PLEC: variants seen among roughly 807,000 people sequenced by gnomAD.
The protein encoded by PLEC is hemidesmosomal protein 1.
In PLEC, 216 loss-of-function variants were observed where a neutral mutation model predicts 392.8. The ratio of observed to expected loss-of-function variants is 0.55; its 90% CI spans 0.49 to 0.62. The LOEUF (loss-of-function observed/expected upper bound fraction) is 0.62. Among genes scored for constraint, PLEC ranks in the 20% least tolerant of loss-of-function variants. The pLI, the probability that PLEC is intolerant of heterozygous loss-of-function variation, is 0.00. For synonymous variants in PLEC, 3,621 were observed against 2,980.6 expected, an observed-to-expected ratio of 1.21 and a Z score of -7.00; for missense variants, 6,863 against 6,563.4, an observed-to-expected ratio of 1.05 and a Z score of -1.58.
At chr8:143,933,475 T>C in intron 12 of PLEC, 124 bp from the exon 13 acceptor site, 3 of 1,136,894 alleles carry the variant, frequency 2.6e-6, no homozygotes, top group South Asian at 1.2e-5. Context: ...TCCATCCCTG[T>C]CCTTCCCCTT....
rs782597397 is a variant in PLEC at position 143,924,763 on chromosome 8, C to T, written c.5166G>A (p.Thr1722=). 36 of 1,535,274 alleles carry T rather than the reference C, an allele frequency of 2.3e-5. No homozygotes were observed. The East Asian group carries it at 3.7e-4, about 16-fold the overall frequency. The change falls in exon 31 of 32, where the codon ACG becomes ACA. Residue 1722 remains threonine (T), a synonymous_variant. Transcript: ENST00000345136. ...GCTGCCGCTGCTGCTCCCCCTGCTC[C>T]GTCTCGGCCCGCAGCCGGATCAACT... ...EQELIRLRAE[T]EQGEQQRQLL...
upstream of PLEC, among the ~76,000 whole-genome samples, chr8:143,943,497 C>A (rs1830881267): frequency 6.6e-6 from 1 of 152,238 alleles, no homozygotes; most frequent in African/African-American, 2.4e-5. Flanking sequence ...GCGGCTGCCA[C>A]AGGCCTCCCT....
Position 143,931,525 on chromosome 8 carries a change from C to CA in PLEC, c.2304+8_2304+9insT. 1.3e-6 allele frequency: 2 copies of CA among 1,582,864 alleles called. No individual in the cohort carries two copies. The highest frequency in any genetic ancestry group is 1.7e-4 in the Middle Eastern group (1 of 5,770). On this transcript the variant is annotated intron_variant, in intron 19 of 31. Transcript: ENST00000345136. ...CTCCTGACACGCCCCTGCACACCCC[C>CA]TCCCTCACCTGGGCATCCTGCAGCA...
At position 143,918,400 on chromosome 8, in the gene PLEC, G is replaced by A. The variant is rs782144786; in HGVS notation, c.11421C>T (p.Gly3807=). The change falls in exon 32 of 32, where the codon GGC becomes GGT. Residue 3807 remains glycine (G), a synonymous_variant. Transcript: ENST00000345136. Reference sequence around the variant, plus strand: ...AGCCCAGGCGGGGGTCCACGATGCCGCCGGTGGCCAGCTGGGCATCCAGCA... The same window carrying A: ...AGCCCAGGCGGGGGTCCACGATGCCACCGGTGGCCAGCTGGGCATCCAGCA... ...LRLLDAQLAT[G]GIVDPRLGFH... The A allele has an allele frequency of 4.5e-5, 71 of 1,567,116 alleles. No homozygotes were observed. The highest frequency in any genetic ancestry group is 5.6e-5 in the Admixed American group (3 of 53,950).
intron 1 of PLEC, among the ~76,000 whole-genome samples, chr8:143,967,555 G>T (rs776741004): frequency 6.6e-6 from 1 of 152,024 alleles, no homozygotes; most frequent in Non-Finnish European, 1.5e-5. Flanking sequence ...AGTGTCCCTC[G>T]GTATCAGCGG....
At chr8:143,926,155 G>A (rs1449103037) in intron 30 of PLEC, among the ~76,000 whole-genome samples, 2 of 152,224 alleles carry the variant, frequency 1.3e-5, no homozygotes, top group Non-Finnish European at 1.5e-5. Context: ...CAGACGGACG[G>A]GGAGAGAGAG....
In PLEC at chr8:143,925,103, T is replaced by C. The variant is rs782507332; in HGVS notation, c.4826A>G (p.Glu1609Gly). The C allele has an allele frequency of 6.4e-7, 1 of 1,552,542 alleles. No homozygotes were observed. Among genetic ancestry groups the C allele is most frequent in the South Asian group, 1.2e-5 (1 of 85,654 alleles). ...CTGCTGCTGTGCCCGCCGCTCAGCC[T>C]CCTCCCGCAGCTGTGCCACAGCCAC... Reference protein sequence around the residue: ...EHVAVAQLREEAERRAQQQAE... With the variant: ...EHVAVAQLREGAERRAQQQAE... Residue 1609 changes from glutamate (E) to glycine (G), a missense_variant, in exon 31 of 32, where the codon GAG (glutamate) becomes GGG (glycine). Glu to Gly is a moderately conservative substitution (Grantham distance 98). Coordinates refer to ENST00000345136, the MANE Select transcript of PLEC (RefSeq NM_201384.3).
At chr8:143,952,062 G>A (rs1554737009), upstream of PLEC, among the ~76,000 whole-genome samples, 1 of 152,208 alleles carries the variant, frequency 6.6e-6, no homozygotes, top group Non-Finnish European at 1.5e-5. Flanking sequence ...GGGGGGGAGT[G>A]GGAGAGAGGG....
rs1554687294 is a variant in PLEC, at chr8:143,921,826, A to G, written c.7995T>C (p.Ser2665=). Residue 2665 remains serine, a synonymous_variant, in exon 32 of 32, where the codon AGT becomes AGC. Transcript: ENST00000345136. ...AQRLQEAGIL[S]AEELQRLAQG... ...GCGCCAACCGCTGCAGCTCCTCCGC[A>G]CTCAGGATGCCGGCCTCCTGCAGCC... 1.2e-6 allele frequency: 2 copies of G among 1,607,198 alleles called. No individual in the cohort carries two copies. Among genetic ancestry groups the G allele is most frequent in the East Asian group, 2.2e-5 (1 of 44,872 alleles).
Position 143,924,813 on chromosome 8 carries a change from G to A in PLEC, c.5116C>T (p.Gln1706Ter). Residue 1706 changes from glutamine (Q) to a stop codon, truncating the protein, a stop_gained, in exon 31 of 32, where the codon CAG becomes TAG. Transcript: ENST00000345136. LOFTEE classifies it high-confidence loss of function. Reference sequence around the variant, plus strand: ...TCCTGCTCCGCGGCCAGGCGCTGCTGCGCGGTGCCTTCCGCCAGCTGCCGC... The same window carrying A: ...TCCTGCTCCGCGGCCAGGCGCTGCTACGCGGTGCCTTCCGCCAGCTGCCGC... ...KQRQLAEGTA[Q>*]QRLAAEQELI... 6.5e-7 allele frequency: 1 copy of A among 1,540,342 alleles called. No homozygotes were observed. The highest frequency in any genetic ancestry group is 8.7e-7 in the Non-Finnish European group (1 of 1,149,742).
In PLEC at chr8:143,973,274, C is replaced by T. The variant is rs1833524315; in HGVS notation, c.70+129G>A. 1.2e-5 allele frequency: 14 copies of T among 1,135,788 alleles called. No individual in the cohort carries two copies. Among genetic ancestry groups the T allele is most frequent in the African/African-American group, 1.7e-5 (1 of 60,110 alleles). The allele number at this position is 1,135,788 out of a possible 1,614,324, so 70.4% of individuals were successfully genotyped here. Reference sequence around the variant, plus strand: ...GGCACTGGCAGCCGTTGGGGGCGATCCAGGCGGACGAGGCCGGCGGAGTGG... The same window carrying T: ...GGCACTGGCAGCCGTTGGGGGCGATTCAGGCGGACGAGGCCGGCGGAGTGG... On this transcript the variant is annotated intron_variant, in intron 1 of 31. Transcript: ENST00000356346. The surrounding 1 kb of genome is among the most constrained non-coding windows in gnomAD (Gnocchi z 5.6).
Position 143,927,755 on chromosome 8 carries a change from G to T in PLEC, c.3411C>A (p.Ala1137=). 6.2e-7 allele frequency: 1 copy of T among 1,600,442 alleles called. No homozygotes were observed. The highest frequency in any genetic ancestry group is 8.5e-7 in the Non-Finnish European group (1 of 1,173,792). Residue 1137 remains alanine, a synonymous_variant, in exon 27 of 32, where the codon GCC becomes GCA. Coordinates refer to ENST00000345136, the MANE Select transcript of PLEC (RefSeq NM_201384.3). The part of the protein sequence containing the change: ...ATKASLKKLR[A]QAEAQQPTFD... ...ACGTGGGCTGCTGTGCCTCGGCCTG[G>T]GCCCGCAGCTTCTGTTGGGGACAGG...
At chr8:143,935,694 C>A (rs986935270) in intron 6 of PLEC, among the ~76,000 whole-genome samples, 154 bp downstream of exon 6, 2 of 152,170 alleles carry the variant, frequency 1.3e-5, no homozygotes, top group East Asian at 3.9e-4. Flanking sequence ...CAGGGTGGGG[C>A]TGGGCCCTGA....
chr8:143,962,082 C>CA (rs538958448), intron 1 of PLEC, among the ~76,000 whole-genome samples: 37 of 152,216 alleles, frequency 2.4e-4, no homozygotes, highest in African/African-American at 7.7e-4. Context: ...ATGGTGGCCA[C>CA]AAAAAAATCT....
rs782459426 is a variant in PLEC at position 143,924,896 on chromosome 8, T to C, written c.5033A>G (p.Lys1678Arg). 2.4e-5 allele frequency: 38 copies of C among 1,589,204 alleles called. No homozygotes were observed. The highest frequency in any genetic ancestry group is 3.0e-5 in the Non-Finnish European group (35 of 1,175,416). The change falls in exon 31 of 32, where the codon AAG (lysine) becomes AGG (arginine). Residue 1678 changes from lysine (K) to arginine (R), a missense_variant. Lys to Arg is a conservative substitution (Grantham distance 26). Transcript: ENST00000345136. The stretch of plus-strand genomic sequence containing the variant: ...CTGCCGGACGGCCTGCTCCTCCGCC[T>C]TGCCGCGCCGCCGCGCCTCGCGCTC... ...EAEREARRRGKAEEQAVRQRE... is the reference protein window; with the variant it reads ...EAEREARRRGRAEEQAVRQRE...
At position 143,932,200 on chromosome 8, in the gene PLEC, T is replaced by A. The variant is rs782320963; in HGVS notation, c.2012A>T (p.Lys671Met). 8.1e-6 allele frequency: 13 copies of A among 1,612,124 alleles called. No individual in the cohort carries two copies. Among genetic ancestry groups the A allele is most frequent in the African/African-American group, 2.7e-5 (2 of 74,912 alleles). Residue 671 changes from lysine to methionine, a missense_variant, in exon 17 of 32, where the codon AAG becomes ATG. Physicochemically the swap from Lys to Met is moderately conservative, Grantham distance 95. Transcript: ENST00000345136. ...CCCAGCATTTTGGAGCTCCTTGATC[T>A]TCTTCTCCTTCAGCTCCAGCTCCCG... is the stretch of plus-strand genomic sequence containing the variant. ...LMRELELKEK[K>M]IKELQNAGDR... is the part of the protein sequence containing the mutation.
upstream of PLEC, chr8:143,943,938 G>T: frequency 6.3e-7 from 1 of 1,589,170 alleles, no homozygotes; most frequent in Non-Finnish European, 8.5e-7. Context: ...GCTGGGAACC[G>T]GCTGCTCCAG....
At position 143,921,042 on chromosome 8, in the gene PLEC, T is replaced by C. The variant is rs1554683869; in HGVS notation, c.8779A>G (p.Ile2927Val). The part of the protein sequence containing the change: ...FQGKTVTIWE[I>V]INSEYFTAEQ... The stretch of plus-strand genomic sequence containing the variant: ...GCCGTGAAGTATTCCGAGTTGATGA[T>C]CTCCCAAATGGTCACCGTCTTGCCC... Residue 2927 changes from isoleucine to valine, a missense_variant, in exon 32 of 32, where the codon ATC becomes GTC. By Grantham distance (29) the Ile-to-Val change is conservative (BLOSUM62 3). Transcript: ENST00000345136. The C allele has an allele frequency of 1.9e-6, 3 of 1,612,692 alleles. No homozygotes were observed. The South Asian group carries it at 3.3e-5, about 18-fold the overall frequency.
chr8:143,919,746 C>T lies in PLEC; in HGVS notation c.10075G>A (p.Gly3359Ser), dbSNP rs782459267. 19 of 1,608,926 alleles carry T rather than the reference C, an allele frequency of 1.2e-5. No homozygotes were observed. The highest frequency in any genetic ancestry group is 2.2e-5 in the East Asian group (1 of 44,800). The change falls in exon 32 of 32, where the codon GGC (glycine) becomes AGC (serine). Residue 3359 changes from glycine to serine, a missense_variant. Transcript: ENST00000345136. ...TCCTTGGTGTCCTCCAGGTAGATGC[C>T]GGCGAGGCAGCCACTGCCCTGCAGC... ...TLLQGSGCLAGIYLEDTKEKV... is the reference protein window; with the variant it reads ...TLLQGSGCLASIYLEDTKEKV...
Sources: allele counts gnomAD v4.1 joint callset (sites outside exome capture counted in the v4.1 genomes callset), GRCh38; gene constraint gnomAD v4.1.1; non-coding constraint Gnocchi (gnomAD v3.1); transcripts MANE v1.5; gene names NCBI Gene and HGNC (gene_info 2026-07-23, HGNC 2026-07-21).